Variants in SPMIP3 observed in about 807,000 individuals in gnomAD.
SPMIP3 encodes protein SPMIP3.
At chr1:244,365,639 T>C in the SPMIP3 span, among the ~76,000 whole-genome samples, 7 of 152,158 alleles carry the variant, frequency 4.6e-5, no homozygotes, top group East Asian at 1.2e-3. Flanking sequence ...CATGGTGAAT[T>C]AGCATCCAAC....
the SPMIP3 span, among the ~76,000 whole-genome samples, chr1:244,385,009 C>T: frequency 6.6e-6 from 1 of 152,122 alleles, no homozygotes; most frequent in Non-Finnish European, 1.5e-5. Context: ...TCAAGAGATT[C>T]TTCTGTCTCA....
the SPMIP3 span, chr1:244,375,635 T>G: frequency 4.0e-6 from 2 of 498,482 alleles, no homozygotes; most frequent in Non-Finnish European, 7.1e-6. Flanking sequence ...TAATGTTTTT[T>G]TTTTTAATGA....
At chr1:244,373,337 T>TATATATATAA in the SPMIP3 span, among the ~76,000 whole-genome samples, 1 of 130,548 alleles carries the variant, frequency 7.7e-6, no homozygotes, top group Non-Finnish European at 1.7e-5. Flanking sequence ...AAAAATTATA[T>TATATATATAA]ATATATATAT....
the SPMIP3 span, among the ~76,000 whole-genome samples, chr1:244,384,216 T>G: frequency 3.3e-5 from 5 of 152,202 alleles, no homozygotes; most frequent in Non-Finnish European, 7.3e-5. Flanking sequence ...TTTTTTTCTT[T>G]TTTTGAGACA....
the SPMIP3 span, among the ~76,000 whole-genome samples, chr1:244,355,532 C>T: frequency 6.6e-6 from 1 of 151,946 alleles, no homozygotes; most frequent in East Asian, 1.9e-4. Context: ...AGATGACAGG[C>T]AAGCGCCACC....
At chr1:244,372,500 G>A in the SPMIP3 span, among the ~76,000 whole-genome samples, 137 of 149,706 alleles carry the variant, frequency 9.2e-4, no homozygotes, top group Non-Finnish European at 8.0e-4. Context: ...CTGGAGTGCA[G>A]TGGCACGATC....
the SPMIP3 span, among the ~76,000 whole-genome samples, chr1:244,380,503 C>A: frequency 6.6e-6 from 1 of 152,100 alleles, no homozygotes; most frequent in African/African-American, 2.4e-5. Context: ...GAAAGCAGCT[C>A]CCTGAAGTAA....
At chr1:244,387,338 C>G in the SPMIP3 span, among the ~76,000 whole-genome samples, 1 of 151,850 alleles carries the variant, frequency 6.6e-6, no homozygotes, top group Non-Finnish European at 1.5e-5. Context: ...TTTTGAAACA[C>G]TAGCCTTTGG....
chr1:244,378,121 G>A, the SPMIP3 span, among the ~76,000 whole-genome samples: 18 of 152,050 alleles, frequency 1.2e-4, no homozygotes, highest in African/African-American at 4.3e-4. Context: ...CTGGTTCCTT[G>A]AAGCAACAAA....
the SPMIP3 span, among the ~76,000 whole-genome samples, chr1:244,373,944 C>G: frequency 3.2e-4 from 48 of 152,046 alleles, no homozygotes; most frequent in South Asian, 9.1e-3. Context: ...TGAAACCCAT[C>G]TCTTCTAAAA....
chr1:244,357,486 G>A, the SPMIP3 span, among the ~76,000 whole-genome samples: 68,624 of 151,756 alleles, frequency 0.45, 16,446 homozygotes, highest in Middle Eastern at 0.59. Context: ...CAAGGTGGGT[G>A]GATCACGAGG....
At chr1:244,355,237 G>C in the SPMIP3 span, among the ~76,000 whole-genome samples, 1 of 152,184 alleles carries the variant, frequency 6.6e-6, no homozygotes, top group African/African-American at 2.4e-5. Context: ...AGGACTGGAC[G>C]AAATAGCCCA....
the SPMIP3 span, among the ~76,000 whole-genome samples, chr1:244,356,668 A>G: frequency 6.6e-6 from 1 of 152,216 alleles, no homozygotes; most frequent in African/African-American, 2.4e-5. Context: ...GAACCTGCAC[A>G]AGCCTTGACT....
At chr1:244,365,963 C>A in the SPMIP3 span, among the ~76,000 whole-genome samples, 275 of 152,254 alleles carry the variant, frequency 1.8e-3, no homozygotes, top group African/African-American at 5.9e-3. Context: ...ACAAGAATAA[C>A]AAGCCCTAGA....
the SPMIP3 span, among the ~76,000 whole-genome samples, chr1:244,377,897 C>T: frequency 6.6e-6 from 1 of 152,130 alleles, no homozygotes; most frequent in Non-Finnish European, 1.5e-5. Flanking sequence ...CCTCTGCCTC[C>T]TGGGCTCAAG....
At chr1:244,379,088 C>A in the SPMIP3 span, among the ~76,000 whole-genome samples, 1 of 151,980 alleles carries the variant, frequency 6.6e-6, no homozygotes, top group Non-Finnish European at 1.5e-5. Flanking sequence ...CCACCACACC[C>A]GGCTAATTTT....
the SPMIP3 span, among the ~76,000 whole-genome samples, chr1:244,369,007 A>C: frequency 6.6e-6 from 1 of 152,150 alleles, no homozygotes; most frequent in African/African-American, 2.4e-5. Flanking sequence ...AAAATACAAA[A>C]AATTAGCAGG....
chr1:244,373,194 A>C, the SPMIP3 span, among the ~76,000 whole-genome samples: 5,912 of 151,540 alleles, frequency 0.039, 380 homozygotes, highest in African/African-American at 0.13. Flanking sequence ...CAGGCTGGGC[A>C]ACATAATGAG....
the SPMIP3 span, among the ~76,000 whole-genome samples, chr1:244,358,153 C>G: frequency 1.3e-5 from 2 of 151,924 alleles, no homozygotes; most frequent in Non-Finnish European, 2.9e-5. Flanking sequence ...TCACTTGAAC[C>G]CAGGAGGTGG....
Sources: allele counts gnomAD v4.1 joint callset (sites outside exome capture counted in the v4.1 genomes callset), GRCh38; gene constraint gnomAD v4.1.1; transcripts MANE v1.5; gene names NCBI Gene and HGNC (gene_info 2026-07-23, HGNC 2026-07-21).